Variants in PCDH15 observed in about 807,000 individuals in gnomAD.
PCDH15 encodes the protein protocadherin related 15.
PCDH15 carries 129 observed loss-of-function variants against 178.5 expected under a neutral mutation model. The observed-to-expected ratio is 0.72, with a 90% CI of 0.63 to 0.84. The LOEUF (loss-of-function observed/expected upper bound fraction) is 0.84. PCDH15 is among the 40% of genes least tolerant of loss of function. The pLI is 0.00. For synonymous variants in PCDH15, 800 were observed against 732.0 expected (o/e 1.09, Z -1.50); for missense variants, 2,230 against 2,099.9 (o/e 1.06, Z -1.21).
rs67901034 is a variant in PCDH15, at chr10:55,319,050, AACACACAC to A, written c.-156+541_-156+548del. ...CTTGCAAAAACAAGAAAACAAACAA[AACACACAC>A]ACACACACACACACAAACACACACG... On this transcript the variant is annotated intron_variant, in intron 1 of 5. Transcript: ENST00000458638. 5.6e-3 allele frequency among the ~76,000 whole-genome samples: 842 copies of A among 150,186 alleles called. 10 individuals are homozygous for A. The highest frequency in any genetic ancestry group is 0.02 in the African/African-American group (803 of 40,864).
intron 2 of PCDH15, among the ~76,000 whole-genome samples, chr10:54,975,649 T>C (rs1480178160): frequency 1.3e-5 from 2 of 151,972 alleles, no homozygotes; most frequent in Non-Finnish European, 2.9e-5. Flanking sequence ...GTTAGTAAGG[T>C]AAATGAGGCA....
At chr10:55,422,107 C>A (rs930731020) in intron 2 of PCDH15, among the ~76,000 whole-genome samples, 14 of 149,376 alleles carry the variant, frequency 9.4e-5, no homozygotes, top group Admixed American at 2.0e-4. Flanking sequence ...TACACATTAA[C>A]AGTCACTCTC....
intron 20 of PCDH15, among the ~76,000 whole-genome samples, chr10:54,003,759 A>G (rs796843533): frequency 1.1e-3 from 138 of 130,130 alleles, no homozygotes; most frequent in African/African-American, 3.8e-3. Context: ...AAAAAAAAAA[A>G]AACAGGAGGA....
intron 2 of PCDH15, among the ~76,000 whole-genome samples, chr10:55,362,572 A>G (rs553891718): frequency 6.6e-6 from 1 of 152,282 alleles, no homozygotes; most frequent in South Asian, 2.1e-4. Context: ...AATATAGTAC[A>G]GTATCACAAC....
chr10:54,376,212 T>C (rs1948406656), intron 4 of PCDH15, among the ~76,000 whole-genome samples: 1 of 151,852 alleles, frequency 6.6e-6, no homozygotes, highest in Non-Finnish European at 1.5e-5. Context: ...TTTATTTTGA[T>C]TCATTATATT....
intron 8 of PCDH15, among the ~76,000 whole-genome samples, chr10:54,282,023 A>T (rs1486472277): frequency 1.3e-5 from 2 of 152,102 alleles, no homozygotes; most frequent in Non-Finnish European, 2.9e-5. Flanking sequence ...CAGACATAAC[A>T]GTTGACTTTG....
chr10:54,277,821 T>A (rs185031515), intron 8 of PCDH15, among the ~76,000 whole-genome samples: 2 of 151,652 alleles, frequency 1.3e-5, no homozygotes, highest in Non-Finnish European at 3.0e-5. Context: ...GTGACCAGAT[T>A]TCACAGAAGA....
chr10:54,596,577 A>G (rs150447980), intron 2 of PCDH15, among the ~76,000 whole-genome samples: 45 of 152,280 alleles, frequency 3.0e-4, no homozygotes, highest in South Asian at 2.1e-3. Flanking sequence ...CAGCAACAGG[A>G]TAACAAGATC....
chr10:54,943,147 T>C (rs1359246323), intron 2 of PCDH15, among the ~76,000 whole-genome samples: 8 of 152,032 alleles, frequency 5.3e-5, no homozygotes, highest in Non-Finnish European at 8.8e-5. Context: ...ACTGATCTCC[T>C]TGGGCTCAAG....
intron 2 of PCDH15, among the ~76,000 whole-genome samples, chr10:55,500,140 T>A (rs545526164): frequency 6.6e-6 from 1 of 151,352 alleles, no homozygotes; most frequent in African/African-American, 2.4e-5. Context: ...TATAGTTTAA[T>A]ACATCAGATA....
intron 2 of PCDH15, among the ~76,000 whole-genome samples, chr10:54,904,350 A>C (rs1453669666): frequency 1.3e-5 from 2 of 152,042 alleles, no homozygotes; most frequent in South Asian, 2.1e-4. Context: ...ACTCCATCTA[A>C]CTATACAAAG....
intron 10 of PCDH15, among the ~76,000 whole-genome samples, chr10:54,206,229 A>T (rs2050782512): frequency 6.6e-6 from 1 of 152,100 alleles, no homozygotes; most frequent in Non-Finnish European, 1.5e-5. Context: ...ACAAATCGAC[A>T]CTGGAATGAC....
At chr10:54,061,426 T>C (rs2094010475) in intron 18 of PCDH15, among the ~76,000 whole-genome samples, 1 of 152,084 alleles carries the variant, frequency 6.6e-6, no homozygotes, top group African/African-American at 2.4e-5. Context: ...TTTAAACAGC[T>C]CTTCCATTAT....
chr10:54,400,872 T>C (rs907363305), intron 3 of PCDH15, among the ~76,000 whole-genome samples: 6 of 151,866 alleles, frequency 4.0e-5, no homozygotes, highest in South Asian at 2.1e-4. Flanking sequence ...AGAATGATTA[T>C]GTTTTACATA....
intron 3 of PCDH15, among the ~76,000 whole-genome samples, chr10:54,874,061 C>T (rs571770822): frequency 9.1e-4 from 67 of 73,760 alleles, no homozygotes; most frequent in African/African-American, 1.0e-3. Flanking sequence ...CATACTGGTG[C>T]GCTGCACCCA....
At chr10:54,136,325 A>G (rs1289406249) in intron 14 of PCDH15, among the ~76,000 whole-genome samples, 1 of 152,112 alleles carries the variant, frequency 6.6e-6, no homozygotes. Context: ...AAATTACCTC[A>G]GGAGAAAAAC....
chr10:54,771,286 A>G (rs571802594), intron 1 of PCDH15, among the ~76,000 whole-genome samples: 1 of 151,916 alleles, frequency 6.6e-6, no homozygotes. Flanking sequence ...ACTATTTTAG[A>G]TAGGCCTAGC....
intron 1 of PCDH15, among the ~76,000 whole-genome samples, chr10:54,702,256 G>A (rs2095316152): frequency 6.6e-6 from 1 of 151,836 alleles, no homozygotes; most frequent in Admixed American, 6.6e-5. Flanking sequence ...TATTTGAAAT[G>A]AATAACAAAG....
intron 26 of PCDH15, among the ~76,000 whole-genome samples, chr10:53,890,681 C>T (rs933889423): frequency 3.3e-5 from 5 of 151,984 alleles, no homozygotes; most frequent in African/African-American, 1.2e-4. Flanking sequence ...TCTGGATCAA[C>T]TTGATGGAGA....
Sources: gnomAD v4.1 joint callset for allele counts (sites outside exome capture counted in the v4.1 genomes callset) on GRCh38, gnomAD v4.1.1 for gene constraint, MANE v1.5 for transcripts, NCBI Gene and HGNC (gene_info 2026-07-23, HGNC 2026-07-21) for gene names.